Variants in TNFAIP8 observed in about 807,000 individuals in gnomAD.
TNFAIP8 encodes tumor necrosis factor alpha-induced protein 8.
A neutral mutation model predicts 13.3 loss-of-function variants in TNFAIP8; 7 were observed. The observed-to-expected ratio is 0.52, with a 90% confidence interval of 0.30 to 0.99. The LOEUF is 0.99. TNFAIP8 is among the 50% of genes least tolerant of loss of function. The pLI, the probability that TNFAIP8 is intolerant of heterozygous loss-of-function variation, is 0.07. For synonymous variants in TNFAIP8, 94 were observed against 87.6 expected (o/e 1.07, Z -0.41); for missense variants, 258 against 236.9 (o/e 1.09, Z -0.58).
chr5:119,322,168 CT>C (rs1322136038), intron 1 of TNFAIP8, among the ~76,000 whole-genome samples: 1 of 152,254 alleles, frequency 6.6e-6, no homozygotes, highest in East Asian at 1.9e-4. Flanking sequence ...TCTCTAGCCC[CT>C]GCCTCTGGTT....
At chr5:119,277,494 C>T (rs1009350382) in intron 1 of TNFAIP8, among the ~76,000 whole-genome samples, 3 of 152,152 alleles carry the variant, frequency 2.0e-5, no homozygotes, top group Non-Finnish European at 2.9e-5. Context: ...GTTGTTTGTG[C>T]GCACACTTGG....
At chr5:119,342,648 T>G in intron 1 of TNFAIP8, among the ~76,000 whole-genome samples, 1 of 152,226 alleles carries the variant, frequency 6.6e-6, no homozygotes, top group East Asian at 1.9e-4. Context: ...CTCTTGCAAT[T>G]TGGCTGCTAT....
At chr5:119,299,111 A>G (rs1277038378) in intron 1 of TNFAIP8, among the ~76,000 whole-genome samples, 1 of 152,210 alleles carries the variant, frequency 6.6e-6, no homozygotes, top group Non-Finnish European at 1.5e-5. Context: ...TCAACTCATC[A>G]AAGTCATTCT....
intron 1 of TNFAIP8, among the ~76,000 whole-genome samples, chr5:119,273,200 A>C (rs1182498565): frequency 6.6e-6 from 1 of 152,164 alleles, no homozygotes; most frequent in Non-Finnish European, 1.5e-5. Context: ...TAGTATTTAT[A>C]TTATAGGATT....
rs973986523 is a variant in TNFAIP8, at chr5:119,395,395, A to T, written c.*2014A>T. The T allele has an allele frequency of 2.6e-5, 4 of 152,270 alleles. No homozygotes were observed. Among genetic ancestry groups the T allele is most frequent in the African/African-American group, 9.7e-5 (4 of 41,446 alleles). The allele number at this position is 152,270 out of a possible 1,614,324, so 9.4% of individuals were successfully genotyped here. On this transcript the variant is annotated 3_prime_UTR_variant, in exon 2 of 2. Transcript: ENST00000504771. ...CAAACAGCAGAGGTATGGGAAACGA[A>T]AGCCCTGGGCAGTCCATGGATGCTT...
intron 1 of TNFAIP8, among the ~76,000 whole-genome samples, chr5:119,372,791 C>A (rs1001381637): frequency 6.6e-6 from 1 of 152,110 alleles, no homozygotes; most frequent in Non-Finnish European, 1.5e-5. Flanking sequence ...GAAACCCCAT[C>A]TCTCCTAAAA....
rs562996128 is a variant in TNFAIP8, at chr5:119,284,977, A to G, written c.1+16070A>G. 1.2e-4 allele frequency among the ~76,000 whole-genome samples: 18 copies of G among 152,320 alleles called. No homozygotes were observed. In the South Asian group the frequency reaches 1.5e-3, roughly 12 times the overall value. Reference sequence around the variant, plus strand: ...TAAAAATAACGTTTTTGAATTTCTTACTATCTGTGCCATCTCTCCATATGT... The same window carrying G: ...TAAAAATAACGTTTTTGAATTTCTTGCTATCTGTGCCATCTCTCCATATGT... On this transcript the variant is annotated intron_variant, in intron 1 of 1. Coordinates refer to the TNFAIP8 transcript ENST00000274456.
intron 1 of TNFAIP8, among the ~76,000 whole-genome samples, chr5:119,274,862 C>G (rs529247046): frequency 4.2e-4 from 64 of 152,256 alleles, no homozygotes; most frequent in African/African-American, 1.4e-3. Context: ...TGGGACTATT[C>G]CTGTGAACCT....
At chr5:119,375,968 T>C (rs1562027725) in intron 1 of TNFAIP8, among the ~76,000 whole-genome samples, 1 of 152,234 alleles carries the variant, frequency 6.6e-6, no homozygotes, top group African/African-American at 2.4e-5. Flanking sequence ...GTGTGGGTTA[T>C]TCAGTAGTTT....
chr5:119,314,953 CT>C (rs1436764752), intron 1 of TNFAIP8, among the ~76,000 whole-genome samples: 3 of 152,208 alleles, frequency 2.0e-5, no homozygotes, highest in Non-Finnish European at 4.4e-5. Context: ...ATGATTTCGG[CT>C]TACTGCAGCC....
At chr5:119,304,616 G>A (rs916464704) in intron 1 of TNFAIP8, among the ~76,000 whole-genome samples, 2 of 152,156 alleles carry the variant, frequency 1.3e-5, no homozygotes, top group African/African-American at 4.8e-5. Flanking sequence ...TCTCTGGTTG[G>A]GAATGTTGTG....
intron 1 of TNFAIP8, among the ~76,000 whole-genome samples, chr5:119,325,007 G>A (rs1750177884): frequency 6.6e-6 from 1 of 151,988 alleles, no homozygotes; most frequent in South Asian, 2.1e-4. Flanking sequence ...GCTGAGGCAG[G>A]AGAATTGCTT....
intron 1 of TNFAIP8, among the ~76,000 whole-genome samples, chr5:119,346,091 C>G (rs972621140): frequency 3.3e-5 from 5 of 152,158 alleles, no homozygotes; most frequent in African/African-American, 1.2e-4. Context: ...AGGTCATGGC[C>G]TGCTGTGGCT....
In TNFAIP8 at chr5:119,393,172, A is replaced by C. The variant is rs751372305; in HGVS notation, c.388A>C (p.Arg130=). 19 of 1,613,926 alleles carry C rather than the reference A, an allele frequency of 1.2e-5. No homozygotes were observed. Among genetic ancestry groups the C allele is most frequent in the Non-Finnish European group, 1.5e-5 (18 of 1,179,896 alleles). ...TACCTTTGACCGGAATGTGTTATCC[A>C]GGCTGTTAAATGAATGCAGAGAGAT... The part of the protein sequence containing the change: ...DYTFDRNVLS[R]LLNECREMLH... Residue 130 remains arginine (R), a synonymous_variant, in exon 2 of 2, where the codon AGG becomes CGG. Transcript: ENST00000504771.
chr5:119,333,168 T>C (rs1750437712), intron 1 of TNFAIP8: 1 of 987,604 alleles, frequency 1.0e-6, no homozygotes, highest in South Asian at 4.7e-5. Flanking sequence ...ACTTCCTGTT[T>C]CTGCTTGATT....
rs914427263 is a variant in TNFAIP8, at chr5:119,396,204, A to C, written c.*2823A>C. ...GCAGTGCTAGGAACATCTTTGGCTC[A>C]GAGAAGCGTGGGCAGTATGCTGCTG... On this transcript the variant is annotated 3_prime_UTR_variant, in exon 2 of 2. Coordinates refer to ENST00000504771, the MANE Select transcript of TNFAIP8 (RefSeq NM_014350.4). 2 of 152,274 alleles carry C rather than the reference A, an allele frequency of 1.3e-5. No individual in the cohort carries two copies. Among genetic ancestry groups the C allele is most frequent in the African/African-American group, 4.8e-5 (2 of 41,456 alleles). The allele number at this position is 152,274 out of a possible 1,614,324, so 9.4% of individuals were successfully genotyped here.
At chr5:119,287,159 A>G (rs570344769) in intron 1 of TNFAIP8, among the ~76,000 whole-genome samples, 8 of 151,872 alleles carry the variant, frequency 5.3e-5, no homozygotes, top group African/African-American at 1.9e-4. Flanking sequence ...CTTCCTCTTA[A>G]GGTTTTGTGT....
At chr5:119,333,643 C>T (rs1256042528) in intron 1 of TNFAIP8, 14 of 1,526,222 alleles carry the variant, frequency 9.2e-6, no homozygotes, top group African/African-American at 2.7e-5. Flanking sequence ...TGAGTTAAAA[C>T]GGCCTTCAGA....
At position 119,300,844 on chromosome 5, in the gene TNFAIP8, T is replaced by C. The variant is rs910525888; in HGVS notation, c.1+31937T>C. Among the ~76,000 whole-genome samples the C allele has an allele frequency of 2.0e-5, 3 of 152,226 alleles. No homozygotes were observed. The South Asian group carries it at 6.2e-4, about 32-fold the overall frequency. On this transcript the variant is annotated intron_variant, in intron 1 of 1. Transcript: ENST00000274456. ...AGTTTAACCTATGTGTTATGCTTTC[T>C]TTATGGAATCTATGTGAGGTAGGTG...
Sources: gnomAD v4.1 joint callset for allele counts (sites outside exome capture counted in the v4.1 genomes callset) on GRCh38, gnomAD v4.1.1 for gene constraint, MANE v1.5 for transcripts, NCBI Gene and HGNC (gene_info 2026-07-23, HGNC 2026-07-21) for gene names.